ENTREP2: variants seen among roughly 807,000 people sequenced by gnomAD.
ENTREP2 encodes endosomal transmembrane epsin interactor 2.
the ENTREP2 span, among the ~76,000 whole-genome samples, chr15:29,290,209 C>A: frequency 6.6e-6 from 1 of 152,230 alleles, no homozygotes; most frequent in Non-Finnish European, 1.5e-5. Context: ...TCTAGCCTCA[C>A]CTCCTACTTT....
At chr15:29,306,978 G>T in the ENTREP2 span, among the ~76,000 whole-genome samples, 1 of 152,042 alleles carries the variant, frequency 6.6e-6, no homozygotes, top group African/African-American at 2.4e-5. Flanking sequence ...AATCTCCTGA[G>T]ATCAGGCAAT....
At chr15:29,516,372 T>G in the ENTREP2 span, among the ~76,000 whole-genome samples, 1 of 152,148 alleles carries the variant, frequency 6.6e-6, no homozygotes, top group African/African-American at 2.4e-5. Context: ...TTAAAATAAA[T>G]GCATGGATCT....
At chr15:29,583,421 G>T in the ENTREP2 span, among the ~76,000 whole-genome samples, 2 of 152,078 alleles carry the variant, frequency 1.3e-5, no homozygotes, top group South Asian at 2.1e-4. Flanking sequence ...TCTTACTTAC[G>T]AGTGGGAGCT....
At chr15:29,315,801 T>C in the ENTREP2 span, among the ~76,000 whole-genome samples, 1 of 152,190 alleles carries the variant, frequency 6.6e-6, no homozygotes, top group Non-Finnish European at 1.5e-5. Context: ...AACCGCATTA[T>C]GCAGTAAACA....
the ENTREP2 span, among the ~76,000 whole-genome samples, chr15:29,670,227 C>T: frequency 3.4e-4 from 52 of 152,096 alleles, no homozygotes; most frequent in African/African-American, 1.2e-3. Context: ...GTGCGGTTGG[C>T]AGACAGGGGA....
At chr15:29,653,472 G>A in the ENTREP2 span, among the ~76,000 whole-genome samples, 2 of 152,218 alleles carry the variant, frequency 1.3e-5, no homozygotes, top group African/African-American at 2.4e-5. Context: ...CATCAAGGGA[G>A]AGACCAGGTG....
At chr15:29,248,006 C>T in the ENTREP2 span, among the ~76,000 whole-genome samples, 2 of 152,354 alleles carry the variant, frequency 1.3e-5, no homozygotes, top group East Asian at 3.9e-4. Context: ...CAAGCCTGAT[C>T]TCTAGCCTCC....
At chr15:29,309,403 C>T in the ENTREP2 span, among the ~76,000 whole-genome samples, 1 of 152,160 alleles carries the variant, frequency 6.6e-6, no homozygotes, top group East Asian at 1.9e-4. Context: ...GCTAAAAGAG[C>T]AGACTCTAGA....
At chr15:29,119,599 T>TAA in the ENTREP2 span, among the ~76,000 whole-genome samples, 1,039 of 27,714 alleles carry the variant, frequency 0.037, 204 homozygotes, top group African/African-American at 0.085. Flanking sequence ...TAGAGTATAA[T>TAA]AAAAAAAAAA....
chr15:29,577,749 C>T, the ENTREP2 span, among the ~76,000 whole-genome samples: 1 of 152,110 alleles, frequency 6.6e-6, no homozygotes, highest in Non-Finnish European at 1.5e-5. Context: ...TCTTATTCAG[C>T]CTTTATAAGG....
chr15:29,599,704 A>G, the ENTREP2 span, among the ~76,000 whole-genome samples: 1 of 152,240 alleles, frequency 6.6e-6, no homozygotes, highest in Non-Finnish European at 1.5e-5. Context: ...ACTGGCAGCC[A>G]GATCAGGCAC....
the ENTREP2 span, among the ~76,000 whole-genome samples, chr15:29,615,282 A>G: frequency 6.6e-6 from 1 of 151,544 alleles, no homozygotes; most frequent in Non-Finnish European, 1.5e-5. Context: ...CAGCTTCCTG[A>G]GTAGCTGGGA....
At chr15:29,386,459 C>T in the ENTREP2 span, among the ~76,000 whole-genome samples, 1 of 152,176 alleles carries the variant, frequency 6.6e-6, no homozygotes, top group Non-Finnish European at 1.5e-5. Context: ...GGAACTCCTC[C>T]GGTTTCAACT....
the ENTREP2 span, among the ~76,000 whole-genome samples, chr15:29,371,533 T>C: frequency 1.3e-5 from 2 of 152,054 alleles, no homozygotes; most frequent in Non-Finnish European, 2.9e-5. Flanking sequence ...AAGAGACCAG[T>C]TAACCTGTGG....
the ENTREP2 span, among the ~76,000 whole-genome samples, chr15:29,475,726 A>G: frequency 6.6e-6 from 1 of 152,200 alleles, no homozygotes; most frequent in African/African-American, 2.4e-5. Flanking sequence ...GCTGTCCCAG[A>G]GAGGGGTATG....
the ENTREP2 span, chr15:29,124,653 G>A: frequency 1.1e-5 from 17 of 1,533,846 alleles, no homozygotes; most frequent in South Asian, 8.4e-5. Flanking sequence ...CCCAGCAGGC[G>A]CAGTCAAAGC....
At chr15:29,656,999 C>T in the ENTREP2 span, among the ~76,000 whole-genome samples, 2 of 152,116 alleles carry the variant, frequency 1.3e-5, no homozygotes, top group African/African-American at 2.4e-5. Flanking sequence ...CCAGGGTGTT[C>T]GTGGTCTCGC....
the ENTREP2 span, among the ~76,000 whole-genome samples, chr15:29,239,604 C>A: frequency 1.3e-5 from 2 of 152,126 alleles, no homozygotes; most frequent in Non-Finnish European, 2.9e-5. Context: ...TCAGGGCTAA[C>A]CAGACTTTCA....
chr15:29,451,088 G>A, the ENTREP2 span, among the ~76,000 whole-genome samples: 2 of 152,084 alleles, frequency 1.3e-5, no homozygotes, highest in Admixed American at 6.5e-5. Context: ...AACCTGCACT[G>A]AACCTAAAAT....
Sources: gnomAD v4.1 joint callset for allele counts (sites outside exome capture counted in the v4.1 genomes callset) on GRCh38, gnomAD v4.1.1 for gene constraint, MANE v1.5 for transcripts, NCBI Gene and HGNC (gene_info 2026-07-23, HGNC 2026-07-21) for gene names.